ELP4: variants seen among roughly 807,000 people sequenced by gnomAD.
The protein encoded by ELP4 is elongator complex protein 4.
Under a neutral mutation model 48.9 loss-of-function variants are expected in ELP4, and 51 were observed. That is an observed-to-expected ratio of 1.04 (90% CI 0.83 to 1.32). The LOEUF is 1.32. Ranked by LOEUF, ELP4 falls within the 40% of genes most tolerant of loss-of-function variation. The pLI is 0.00. For synonymous variants in ELP4, 210 were observed against 189.2 expected (o/e 1.11, Z -0.90); for missense variants, 519 against 514.6 (o/e 1.01, Z -0.08).
intron 6 of ELP4, among the ~76,000 whole-genome samples, chr11:31,629,943 CATATTTTACAG>C (rs1444617691): frequency 2.0e-5 from 3 of 151,954 alleles, no homozygotes; most frequent in Non-Finnish European, 4.4e-5. Context: ...AATAACCCAT[CATATTTTACAG>C]ATATCTTACA....
intron 2 of ELP4, among the ~76,000 whole-genome samples, chr11:31,521,698 A>G (rs563271086): frequency 7.1e-4 from 108 of 152,282 alleles, no homozygotes; most frequent in African/African-American, 2.5e-3. Context: ...ATTTCACATG[A>G]TCAGCATTTC....
At chr11:31,757,737 A>G (rs1190076570) in intron 9 of ELP4, among the ~76,000 whole-genome samples, 1 of 152,212 alleles carries the variant, frequency 6.6e-6, no homozygotes, top group East Asian at 1.9e-4. Flanking sequence ...TGGGCCTGAT[A>G]GGACTCATTA....
At chr11:31,658,908 C>A (rs1945495166) in intron 9 of ELP4, among the ~76,000 whole-genome samples, 1 of 151,830 alleles carries the variant, frequency 6.6e-6, no homozygotes, top group Non-Finnish European at 1.5e-5. Flanking sequence ...TTCTCTTTTG[C>A]AAAAAGCTTG....
chr11:31,516,797 C>A (rs1014369290), intron 1 of ELP4, among the ~76,000 whole-genome samples: 8 of 152,042 alleles, frequency 5.3e-5, no homozygotes, highest in Non-Finnish European at 8.8e-5. Context: ...CGGACCTGAT[C>A]CTTTTTGATG....
At chr11:31,669,194 GT>G (rs1945752850) in intron 9 of ELP4, among the ~76,000 whole-genome samples, 1 of 151,928 alleles carries the variant, frequency 6.6e-6, no homozygotes, top group Admixed American at 6.6e-5. Flanking sequence ...TGCCTCCCAG[GT>G]TCAAGGGATT....
intron 9 of ELP4, among the ~76,000 whole-genome samples, chr11:31,738,469 G>A (rs771016109): frequency 4.0e-5 from 6 of 151,564 alleles, no homozygotes; most frequent in Middle Eastern, 3.2e-3. Context: ...CATAGTGGCC[G>A]ACGCCTATAA....
chr11:31,616,368 C>CA (rs373417471), intron 5 of ELP4, among the ~76,000 whole-genome samples: 1 of 151,092 alleles, frequency 6.6e-6, no homozygotes, highest in South Asian at 2.1e-4. Flanking sequence ...TATCTACATG[C>CA]AAAAAAATAA....
At chr11:31,687,478 G>GT (rs1946184903) in intron 9 of ELP4, among the ~76,000 whole-genome samples, 1 of 152,188 alleles carries the variant, frequency 6.6e-6, no homozygotes, top group African/African-American at 2.4e-5. Context: ...GAAGTCTATT[G>GT]TATTTGGCAA....
At chr11:31,590,959 T>G (rs1183925318) in intron 3 of ELP4, among the ~76,000 whole-genome samples, 2 of 152,182 alleles carry the variant, frequency 1.3e-5, no homozygotes, top group East Asian at 3.9e-4. Context: ...ACTGTATCAT[T>G]GGGCTTCATC....
At chr11:31,612,165 T>G (rs575524655) in intron 5 of ELP4, among the ~76,000 whole-genome samples, 3 of 152,272 alleles carry the variant, frequency 2.0e-5, no homozygotes, top group South Asian at 2.1e-4. Context: ...AGATTTTTTT[T>G]GCTCTGTTTT....
chr11:31,704,966 G>A (rs186421697), intron 9 of ELP4, among the ~76,000 whole-genome samples: 6 of 150,774 alleles, frequency 4.0e-5, no homozygotes, highest in Non-Finnish European at 8.9e-5. Context: ...AGCTGAGATC[G>A]CGCCACTGCA....
At chr11:31,694,006 GTTGT>G (rs1461868426) in intron 9 of ELP4, among the ~76,000 whole-genome samples, 3 of 152,136 alleles carry the variant, frequency 2.0e-5, no homozygotes, top group South Asian at 2.1e-4. Flanking sequence ...TTTTGATGGG[GTTGT>G]TTGTTTTTTT....
chr11:31,783,342 T>A (rs773653666), intron 9 of ELP4, 51 bp from the exon 10 acceptor site: 2 of 1,563,668 alleles, frequency 1.3e-6, no homozygotes, highest in Admixed American at 3.5e-5. Context: ...GCAAAATTAA[T>A]TTTTTTTCTT....
chr11:31,531,115 T>C (rs1004581190), intron 2 of ELP4, among the ~76,000 whole-genome samples: 1 of 152,212 alleles, frequency 6.6e-6, no homozygotes, highest in Non-Finnish European at 1.5e-5. Flanking sequence ...TTTTTGCTAA[T>C]CCCTAAGTAG....
At chr11:31,600,664 G>A in intron 4 of ELP4, 1 of 152,070 alleles carries the variant, frequency 6.6e-6, no homozygotes, top group East Asian at 1.9e-4. Flanking sequence ...TTACATTAGA[G>A]TCTCACAACA....
intron 9 of ELP4, among the ~76,000 whole-genome samples, chr11:31,763,093 C>CAA (rs34634356): frequency 2.0e-4 from 27 of 137,628 alleles, no homozygotes; most frequent in African/African-American, 4.4e-4. Context: ...GTATAATGAG[C>CAA]AAAAAAAAAA....
intron 3 of ELP4, among the ~76,000 whole-genome samples, chr11:31,566,478 G>C (rs1319156416): frequency 6.6e-6 from 1 of 151,662 alleles, no homozygotes; most frequent in East Asian, 1.9e-4. Flanking sequence ...TGTTATTTTT[G>C]TTCAAATTTT....
intron 9 of ELP4, among the ~76,000 whole-genome samples, chr11:31,734,345 A>C (rs759384647): frequency 1.3e-5 from 2 of 152,226 alleles, no homozygotes; most frequent in Non-Finnish European, 2.9e-5. Flanking sequence ...CGAACGTAGT[A>C]CTGGAAGCCC....
intron 4 of ELP4, among the ~76,000 whole-genome samples, chr11:31,596,698 T>G (rs932616748): frequency 6.6e-6 from 1 of 152,242 alleles, no homozygotes; most frequent in African/African-American, 2.4e-5. Flanking sequence ...TTGAATAATA[T>G]TTTTAAGCTG....
Sources: allele counts gnomAD v4.1 joint callset (sites outside exome capture counted in the v4.1 genomes callset), GRCh38; gene constraint gnomAD v4.1.1; transcripts MANE v1.5; gene names NCBI Gene and HGNC (gene_info 2026-07-23, HGNC 2026-07-21).